SYT1: variants seen among roughly 807,000 people sequenced by gnomAD.
SYT1 encodes synaptotagmin-1.
Under a neutral mutation model 44.8 loss-of-function variants are expected in SYT1, and 8 were observed. The observed-to-expected ratio is 0.18, with a 90% CI of 0.10 to 0.32. The LOEUF is 0.32. SYT1 is among the 10% of genes least tolerant of loss of function. The pLI is 1.00. For synonymous variants in SYT1, 154 were observed against 188.8 expected (o/e 0.82, Z 1.51); for missense variants, 286 against 509.3 (o/e 0.56, Z 4.22).
At chr12:79,327,854 G>A (rs1881673207) in intron 8 of SYT1, among the ~76,000 whole-genome samples, 1 of 152,172 alleles carries the variant, frequency 6.6e-6, no homozygotes. Context: ...AGAGGAAGCA[G>A]GGAAAGCATT....
At chr12:79,347,511 C>A (rs536390997) in intron 8 of SYT1, among the ~76,000 whole-genome samples, 166 of 152,260 alleles carry the variant, frequency 1.1e-3, no homozygotes, top group Non-Finnish European at 1.6e-3. Context: ...CTGTGTAATC[C>A]TGATTCCCTC....
At chr12:79,250,408 G>A (rs557500794) in intron 4 of SYT1, among the ~76,000 whole-genome samples, 105 of 152,244 alleles carry the variant, frequency 6.9e-4, no homozygotes, top group African/African-American at 2.5e-3. Flanking sequence ...GAACACTCAC[G>A]TTGAATCACC....
rs909489374 is a variant in SYT1 at position 78,893,099 on chromosome 12, A to G, written c.-217+27990A>G. Reference sequence around the variant, plus strand: ...TGCAATGGCTGCCATCATTACAATCAGTATGCATGTACTTACTGAGGAGGA... The same window carrying G: ...TGCAATGGCTGCCATCATTACAATCGGTATGCATGTACTTACTGAGGAGGA... On this transcript the variant is annotated intron_variant, in intron 1 of 10. Coordinates refer to ENST00000261205, the MANE Select transcript of SYT1 (RefSeq NM_005639.3). Among the ~76,000 whole-genome samples, 4 of 151,854 alleles carry G rather than the reference A, an allele frequency of 2.6e-5. No individual in the cohort carries two copies. The Admixed American group carries it at 2.6e-4, about 10-fold the overall frequency.
intron 4 of SYT1, among the ~76,000 whole-genome samples, chr12:79,225,995 G>A (rs1875494118): frequency 6.6e-6 from 1 of 152,070 alleles, no homozygotes. Context: ...AATAATGTAA[G>A]CTCTCTGAAG....
intron 3 of SYT1, among the ~76,000 whole-genome samples, chr12:79,065,518 C>T (rs1271643794): frequency 6.6e-6 from 1 of 152,106 alleles, no homozygotes; most frequent in South Asian, 2.1e-4. Context: ...CTGATATTCT[C>T]ATTTTCTTCC....
At chr12:79,359,109 C>T (rs1361973091) in intron 9 of SYT1, among the ~76,000 whole-genome samples, 1 of 152,120 alleles carries the variant, frequency 6.6e-6, no homozygotes, top group Non-Finnish European at 1.5e-5. Context: ...TGCTAGTAGC[C>T]ATGGCAAATC....
chr12:78,999,571 T>A (rs1420305426), intron 2 of SYT1, among the ~76,000 whole-genome samples: 1 of 152,172 alleles, frequency 6.6e-6, no homozygotes, highest in African/African-American at 2.4e-5. Flanking sequence ...GGAATGTATA[T>A]CTATCAGAAT....
chr12:79,188,845 C>G (rs1169655024), intron 3 of SYT1, among the ~76,000 whole-genome samples: 1 of 152,002 alleles, frequency 6.6e-6, no homozygotes, highest in Non-Finnish European at 1.5e-5. Flanking sequence ...GAGTAGTTGT[C>G]TAGGAGATGT....
At chr12:79,057,312 C>G (rs1875029360) in intron 3 of SYT1, among the ~76,000 whole-genome samples, 1 of 151,902 alleles carries the variant, frequency 6.6e-6, no homozygotes, top group South Asian at 2.1e-4. Context: ...CCTGGCAAAG[C>G]CTATGTTCAT....
At chr12:79,191,033 G>C (rs1371887365) in intron 3 of SYT1, among the ~76,000 whole-genome samples, 6 of 151,660 alleles carry the variant, frequency 4.0e-5, no homozygotes, top group Admixed American at 1.3e-4. Flanking sequence ...GAGGATTAGA[G>C]GTTTAGATGC....
intron 9 of SYT1, among the ~76,000 whole-genome samples, chr12:79,403,498 C>T (rs1441865134): frequency 2.0e-5 from 3 of 152,116 alleles, no homozygotes; most frequent in African/African-American, 7.2e-5. Context: ...CACCTAGTGA[C>T]CTCATTGTAA....
intron 1 of SYT1, among the ~76,000 whole-genome samples, chr12:78,892,324 T>C (rs141858335): frequency 8.4e-4 from 127 of 151,966 alleles, no homozygotes; most frequent in African/African-American, 2.8e-3. Context: ...ATTCAAATTA[T>C]AGTACATTTT....
intron 1 of SYT1, among the ~76,000 whole-genome samples, chr12:78,921,225 T>G (rs1340199323): frequency 1.3e-5 from 2 of 151,950 alleles, no homozygotes; most frequent in Non-Finnish European, 2.9e-5. Flanking sequence ...TACTTTAGAG[T>G]AGAAATTTTG....
intron 3 of SYT1, among the ~76,000 whole-genome samples, chr12:79,138,244 T>C (rs1869324702): frequency 6.6e-6 from 1 of 152,162 alleles, no homozygotes; most frequent in Non-Finnish European, 1.5e-5. Context: ...TAAAAAGCAG[T>C]AATTCAAACT....
chr12:79,052,711 C>A (rs1386724713), intron 3 of SYT1, among the ~76,000 whole-genome samples: 1 of 152,142 alleles, frequency 6.6e-6, no homozygotes, highest in Non-Finnish European at 1.5e-5. Flanking sequence ...TGAACAGACG[C>A]TTCTCAAAAG....
chr12:79,119,774 C>T (rs1158268258), intron 3 of SYT1, among the ~76,000 whole-genome samples: 1 of 152,008 alleles, frequency 6.6e-6, no homozygotes, highest in Non-Finnish European at 1.5e-5. Flanking sequence ...TGGAAGATTC[C>T]TTTACTTCCT....
intron 9 of SYT1, among the ~76,000 whole-genome samples, chr12:79,417,463 C>T (rs989274701): frequency 4.6e-5 from 7 of 152,138 alleles, no homozygotes; most frequent in African/African-American, 1.7e-4. Context: ...ATGACAACAG[C>T]CTCTCAAAGC....
rs1870074739 is a variant in SYT1 at position 79,148,647 on chromosome 12, G to T, written c.-17-68856G>T. ...TAATCACACCTTGAAACATAAATGGGCACTATGCTATGGAAACAGATCTTT... is the reference window on the plus strand; with the variant it reads ...TAATCACACCTTGAAACATAAATGGTCACTATGCTATGGAAACAGATCTTT... On this transcript the variant is annotated intron_variant, in intron 3 of 10. Transcript: ENST00000261205. Among the ~76,000 whole-genome samples the T allele has an allele frequency of 2.6e-5, 4 of 152,040 alleles. No homozygotes were observed. In the South Asian group the frequency reaches 8.3e-4, roughly 32 times the overall value.
chr12:78,978,442 T>C (rs889744770), intron 2 of SYT1, among the ~76,000 whole-genome samples: 1 of 152,220 alleles, frequency 6.6e-6, no homozygotes, highest in African/African-American at 2.4e-5. Flanking sequence ...CTTTCATATA[T>C]GGCTAATTCA....
Sources: allele counts gnomAD v4.1 joint callset (sites outside exome capture counted in the v4.1 genomes callset), GRCh38; gene constraint gnomAD v4.1.1; transcripts MANE v1.5; gene names NCBI Gene and HGNC (gene_info 2026-07-23, HGNC 2026-07-21).